ZFAT: variants seen among roughly 807,000 people sequenced by gnomAD.
ZFAT encodes the protein zinc finger protein ZFAT.
A neutral mutation model predicts 117.7 loss-of-function variants in ZFAT; 64 were observed. The ratio of observed to expected loss-of-function variants is 0.54; its 90% CI spans 0.44 to 0.67. The LOEUF (loss-of-function observed/expected upper bound fraction) is 0.67. Among genes scored for constraint, ZFAT ranks in the 30% least tolerant of loss-of-function variants. The pLI, the probability that ZFAT is intolerant of heterozygous loss-of-function variation, is 0.00. For missense variants in ZFAT, 1,433 were observed against 1,584.5 expected (o/e 0.90, Z 1.62); for synonymous variants, 679 against 615.0 (o/e 1.10, Z -1.54).
chr8:134,507,782 G>A (rs1456842947), intron 15 of ZFAT, among the ~76,000 whole-genome samples: 1 of 152,142 alleles, frequency 6.6e-6, no homozygotes, highest in Non-Finnish European at 1.5e-5. Flanking sequence ...CAAGACACAA[G>A]TCACAACCAG....
the ZFAT span, among the ~76,000 whole-genome samples, chr8:134,748,860 T>A: frequency 1.3e-5 from 2 of 152,204 alleles, no homozygotes; most frequent in African/African-American, 4.8e-5. Flanking sequence ...TTAATATCTC[T>A]TCTTGTGAGG....
At chr8:134,692,269 T>G (rs1053271148) in intron 1 of ZFAT, among the ~76,000 whole-genome samples, 1 of 152,234 alleles carries the variant, frequency 6.6e-6, no homozygotes, top group African/African-American at 2.4e-5. Flanking sequence ...TCTCTGACTC[T>G]CTGACTCTTC....
chr8:134,566,190 C>T (rs758716050), intron 10 of ZFAT, among the ~76,000 whole-genome samples: 4 of 151,984 alleles, frequency 2.6e-5, no homozygotes, highest in African/African-American at 4.8e-5. Flanking sequence ...GTCAGGAGAT[C>T]GAGACCATCC....
chr8:134,654,624 A>G (rs1831480981), intron 2 of ZFAT, among the ~76,000 whole-genome samples: 1 of 152,232 alleles, frequency 6.6e-6, no homozygotes, highest in Non-Finnish European at 1.5e-5. Flanking sequence ...CCCAGGTCAG[A>G]TGAGTTTGAG....
At chr8:134,667,041 A>C (rs1322626298) in intron 1 of ZFAT, among the ~76,000 whole-genome samples, 1 of 152,202 alleles carries the variant, frequency 6.6e-6, no homozygotes, top group East Asian at 1.9e-4. Context: ...CAGGAACAGA[A>C]AACCAAATAC....
intron 7 of ZFAT, among the ~76,000 whole-genome samples, chr8:134,590,656 CACCAACACCACCACA>C (rs1471472442): frequency 2.0e-5 from 3 of 148,222 alleles, no homozygotes; most frequent in Middle Eastern, 3.5e-3. Flanking sequence ...CCACCACCAC[CACCAACACCACCACA>C]ACCAACACCA....
At chr8:134,479,276 A>G (rs1277661818) in intron 15 of ZFAT, among the ~76,000 whole-genome samples, 1 of 152,238 alleles carries the variant, frequency 6.6e-6, no homozygotes, top group East Asian at 1.9e-4. Context: ...TCGTCCGTCC[A>G]GCAACACTAA....
intron 2 of ZFAT, among the ~76,000 whole-genome samples, chr8:134,653,419 G>GTTTTTT (rs61711569): frequency 1.9e-4 from 10 of 51,330 alleles, no homozygotes; most frequent in South Asian, 1.2e-3. Context: ...CGTTTTATCT[G>GTTTTTT]TTTTTTTTTT....
At chr8:134,767,358 G>A in the ZFAT span, 1 of 152,134 alleles carries the variant, frequency 6.6e-6, no homozygotes, top group Admixed American at 6.5e-5. Flanking sequence ...TTTTTTTGCA[G>A]ATGCAAATCT....
At chr8:134,489,745 A>T (rs1380004434) in intron 15 of ZFAT, among the ~76,000 whole-genome samples, 1 of 152,208 alleles carries the variant, frequency 6.6e-6, no homozygotes, top group African/African-American at 2.4e-5. Context: ...TGTCTAGACC[A>T]AACCCTTCCC....
At chr8:134,758,065 A>G in the ZFAT span, among the ~76,000 whole-genome samples, 1 of 152,212 alleles carries the variant, frequency 6.6e-6, no homozygotes, top group Non-Finnish European at 1.5e-5. Context: ...CACGAACTCA[A>G]ATGAACTAAA....
chr8:134,519,391 C>A (rs1311733347), intron 13 of ZFAT, among the ~76,000 whole-genome samples: 1 of 152,112 alleles, frequency 6.6e-6, no homozygotes, highest in African/African-American at 2.4e-5. Flanking sequence ...TTTCCTGTAT[C>A]AAATGGGGGT....
chr8:134,516,976 A>C (rs13255860), intron 13 of ZFAT, among the ~76,000 whole-genome samples: 20,913 of 152,196 alleles, frequency 0.14, 1,848 homozygotes, highest in Non-Finnish European at 0.19. Context: ...TGTTTTTTCC[A>C]AATATCATTA....
At chr8:134,733,826 C>T in the ZFAT span, among the ~76,000 whole-genome samples, 2 of 152,248 alleles carry the variant, frequency 1.3e-5, no homozygotes, top group Non-Finnish European at 2.9e-5. Flanking sequence ...ACATTCCTTT[C>T]CCATCATCCA....
At chr8:134,743,889 G>C in the ZFAT span, among the ~76,000 whole-genome samples, 4 of 152,150 alleles carry the variant, frequency 2.6e-5, no homozygotes, top group African/African-American at 9.7e-5. Context: ...TTTCTTTTCT[G>C]GCCAAAAGGG....
intron 5 of ZFAT, among the ~76,000 whole-genome samples, chr8:134,603,681 C>CTAT (rs1563664041): frequency 6.6e-6 from 1 of 152,168 alleles, no homozygotes; most frequent in East Asian, 1.9e-4. Context: ...TGAGCTCTGC[C>CTAT]TATTTCTGTT....
chr8:134,697,675 C>T (rs1208071314), intron 1 of ZFAT, among the ~76,000 whole-genome samples: 21 of 150,544 alleles, frequency 1.4e-4, no homozygotes, highest in African/African-American at 4.4e-4. Flanking sequence ...TGCAGTGAGC[C>T]GAGATCGCGC....
the ZFAT span, among the ~76,000 whole-genome samples, chr8:134,768,028 T>A: frequency 1.3e-5 from 2 of 152,204 alleles, no homozygotes; most frequent in Non-Finnish European, 2.9e-5. Context: ...CTATCCCACA[T>A]CTTTTTGTCT....
In ZFAT at chr8:134,702,735, G is replaced by A. The variant is rs1009280806; in HGVS notation, c.19+10110C>T. 7.3e-5 allele frequency among the ~76,000 whole-genome samples: 11 copies of A among 150,854 alleles called. 1 individual carries two copies. The highest frequency in any genetic ancestry group is 2.0e-4 in the Admixed American group (3 of 15,108). On this transcript the variant is annotated intron_variant, in intron 1 of 15. Transcript: ENST00000377838. ...CGCCCAGGCTGGAGTACAGTGGCGC[G>A]ATCTCGGCTCACTGCAAGCTCCGCC...
Sources: allele counts gnomAD v4.1 joint callset (sites outside exome capture counted in the v4.1 genomes callset), GRCh38; gene constraint gnomAD v4.1.1; transcripts MANE v1.5; gene names NCBI Gene and HGNC (gene_info 2026-07-23, HGNC 2026-07-21).